The following RTL4 variants were observed in gnomAD, a reference collection of about 807,000 sequenced individuals.
RTL4 encodes the protein retrotransposon Gag like 4.
A neutral mutation model predicts 5.3 loss-of-function variants in RTL4; 4 were observed. The observed-to-expected ratio is 0.75, with a 90% confidence interval of 0.37 to 1.72. The LOEUF is 1.72. RTL4 is among the 40% of genes most tolerant of loss of function. The pLI is 0.04. For missense variants in RTL4, 260 were observed against 227.1 expected (o/e 1.14, Z -0.93); for synonymous variants, 98 against 87.3 (o/e 1.12, Z -0.68).
At chrX:112,103,286 G>C in the RTL4 span, among the ~76,000 whole-genome samples, 1 of 111,131 alleles carries the variant, frequency 9.0e-6, no homozygotes, top group Non-Finnish European at 1.9e-5. Flanking sequence ...GGATTGAGCT[G>C]GGAGCCATTA....
At chrX:112,311,411 A>G in the RTL4 span, among the ~76,000 whole-genome samples, 2 of 110,946 alleles carry the variant, frequency 1.8e-5, no homozygotes, top group African/African-American at 6.5e-5. Context: ...GAAACAGATT[A>G]ATCACTGGAT....
At chrX:112,224,250 G>A in the RTL4 span, among the ~76,000 whole-genome samples, 1 of 111,197 alleles carries the variant, frequency 9.0e-6, no homozygotes, top group African/African-American at 3.3e-5. Context: ...CATGAGCTTG[G>A]AGAATTGCAT....
At chrX:112,316,173 A>T in the RTL4 span, among the ~76,000 whole-genome samples, 3 of 111,989 alleles carry the variant, frequency 2.7e-5, no homozygotes, top group Admixed American at 9.5e-5. Flanking sequence ...GACTATTTTA[A>T]TTTGCATATC....
the RTL4 span, among the ~76,000 whole-genome samples, chrX:112,227,434 C>T: frequency 9.0e-6 from 1 of 111,297 alleles, no homozygotes. Context: ...AATTCCAGTC[C>T]ATCAATTCAA....
the RTL4 span, among the ~76,000 whole-genome samples, chrX:112,289,773 ATGTG>A: frequency 0.017 from 1,755 of 105,952 alleles, 40 homozygotes; most frequent in African/African-American, 0.053. Flanking sequence ...TGTATAATAT[ATGTG>A]TGTGTGTGTG....
chrX:112,161,788 TCTTCCTTCCTTCCTTCCTTCCTTCCTTC>T, the RTL4 span, among the ~76,000 whole-genome samples: 1 of 75,457 alleles, frequency 1.3e-5, no homozygotes, highest in African/African-American at 5.0e-5. Context: ...AGGTTGCTTT[TCTTCCTTCCTTCCTTCCTTCCTTCCTTC>T]CTTCCTTCCT....
chrX:112,230,687 ACACCAAAAG>A, the RTL4 span, among the ~76,000 whole-genome samples: 1 of 112,274 alleles, frequency 8.9e-6, no homozygotes, highest in Admixed American at 9.4e-5. Context: ...CATGTCTAAA[ACACCAAAAG>A]CAATGGCAAT....
At chrX:112,249,554 C>G in the RTL4 span, among the ~76,000 whole-genome samples, 4 of 110,865 alleles carry the variant, frequency 3.6e-5, no homozygotes, top group African/African-American at 1.3e-4. Context: ...CTCATTCAGT[C>G]TGTTGAAAGA....
At chrX:112,408,160 C>T in the RTL4 span, among the ~76,000 whole-genome samples, 1 of 111,206 alleles carries the variant, frequency 9.0e-6, no homozygotes, top group East Asian at 2.8e-4. Flanking sequence ...CTAAATAAGG[C>T]ACCAAGGACC....
At chrX:112,142,938 T>C in the RTL4 span, among the ~76,000 whole-genome samples, 1 of 110,988 alleles carries the variant, frequency 9.0e-6, no homozygotes, top group Non-Finnish European at 1.9e-5. Context: ...AAGAGATTCT[T>C]CTACCTAAGC....
chrX:112,131,076 G>A, the RTL4 span, among the ~76,000 whole-genome samples: 46 of 109,574 alleles, frequency 4.2e-4, no homozygotes, highest in African/African-American at 1.4e-3. Context: ...TGGGATTACA[G>A]GCGTGAGCCA....
chrX:112,275,173 T>C, the RTL4 span, among the ~76,000 whole-genome samples: 1 of 84,177 alleles, frequency 1.2e-5, no homozygotes, highest in Admixed American at 1.6e-4. Context: ...TCATTTTTTC[T>C]CTTTCTTTCT....
At chrX:112,452,400 C>G (rs748581685), upstream of RTL4, among the ~76,000 whole-genome samples, 13 of 108,763 alleles carry the variant, frequency 1.2e-4, no homozygotes, top group East Asian at 3.8e-3. Flanking sequence ...CATGCCCTGC[C>G]TGGAAAGGCC....
At chrX:112,150,543 A>C in the RTL4 span, among the ~76,000 whole-genome samples, 66 of 111,774 alleles carry the variant, frequency 5.9e-4, no homozygotes, top group African/African-American at 2.0e-3. Flanking sequence ...TCAAGAGGAA[A>C]AATATACAAA....
chrX:112,087,270 A>C, the RTL4 span, among the ~76,000 whole-genome samples: 1 of 109,587 alleles, frequency 9.1e-6, no homozygotes, highest in South Asian at 4.0e-4. Context: ...GGAATGATAT[A>C]ATCTGTCCTA....
the RTL4 span, among the ~76,000 whole-genome samples, chrX:112,280,887 A>G: frequency 9.0e-6 from 1 of 111,072 alleles, no homozygotes; most frequent in Non-Finnish European, 1.9e-5. Context: ...ACAAATACAC[A>G]TTGTGTATAT....
chrX:112,396,504 T>C, the RTL4 span, among the ~76,000 whole-genome samples: 6 of 110,935 alleles, frequency 5.4e-5, no homozygotes, highest in Non-Finnish European at 7.5e-5. Flanking sequence ...TGATAATCCA[T>C]GGAGCTTTTT....
the RTL4 span, among the ~76,000 whole-genome samples, chrX:112,269,943 T>C: frequency 8.9e-6 from 1 of 112,461 alleles, no homozygotes; most frequent in African/African-American, 3.2e-5. Flanking sequence ...GGGAAAAACA[T>C]AATTGTTCAT....
At chrX:112,376,039 A>G in the RTL4 span, among the ~76,000 whole-genome samples, 1 of 111,530 alleles carries the variant, frequency 9.0e-6, no homozygotes, top group African/African-American at 3.3e-5. Flanking sequence ...TCAGGACTGG[A>G]TATGAGTAAG....
Sources: gnomAD v4.1 joint callset for allele counts (sites outside exome capture counted in the v4.1 genomes callset) on GRCh38, gnomAD v4.1.1 for gene constraint, MANE v1.5 for transcripts, NCBI Gene and HGNC (gene_info 2026-07-23, HGNC 2026-07-21) for gene names.